Variants in AIFM2 observed in about 807,000 individuals in gnomAD.
AIFM2 encodes the protein AIF family member 2, ferroptosis suppressor.
AIFM2 carries 38 observed loss-of-function variants against 35.7 expected under a neutral mutation model. The observed-to-expected ratio is 1.06, with a 90% CI of 0.82 to 1.39. The LOEUF is 1.39. Ranked by LOEUF, AIFM2 falls within the 40% of genes most tolerant of loss-of-function variation. The pLI is 0.00. For synonymous variants in AIFM2, 185 were observed against 203.5 expected (o/e 0.91, Z 0.77); for missense variants, 476 against 491.2 (o/e 0.97, Z 0.29).
chr10:70,124,125 CAGAGTCAGGGAGGCTGGGAG>C lies in AIFM2; in HGVS notation c.-13-48_-13-29del, dbSNP rs1564553909. ...GCTGGGAAGAAAGAGGAGAGCATAT[CAGAGTCAGGGAGGCTGGGAG>C]GGCTGGGAGGACCCACAGTGAGAGA... On this transcript the variant is annotated intron_variant, in intron 1 of 8. Coordinates refer to ENST00000307864, the MANE Select transcript of AIFM2 (RefSeq NM_032797.6). 7 of 1,409,772 alleles carry C rather than the reference CAGAGTCAGGGAGGCTGGGAG, an allele frequency of 5.0e-6. No homozygotes were observed. The South Asian group carries it at 1.1e-4, about 23-fold the overall frequency. 87.3% of individuals were successfully genotyped at this position (1,409,772 alleles called of 1,614,324 possible). A position where few individuals can be genotyped will look rare whatever the true frequency, so the allele number is the denominator to read the frequency against.
At position 70,116,613 on chromosome 10, in the gene AIFM2, C is replaced by A. The variant is rs754363914; in HGVS notation, c.769+9G>T. 2.5e-6 allele frequency: 4 copies of A among 1,613,014 alleles called. No individual in the cohort carries two copies. Among genetic ancestry groups the A allele is most frequent in the Non-Finnish European group, 2.5e-6 (3 of 1,179,806 alleles). On this transcript the variant is annotated intron_variant, in intron 7 of 8. Coordinates refer to ENST00000307864, the MANE Select transcript of AIFM2 (RefSeq NM_032797.6). ...GGCACAGGGGAAGCCCGGCTGGGCA[C>A]CTGCTCACCAAACGCTTTGCGGTAG...
At chr10:70,129,495 A>G (rs761484398) in intron 1 of AIFM2, among the ~76,000 whole-genome samples, 12 of 152,162 alleles carry the variant, frequency 7.9e-5, no homozygotes, top group Non-Finnish European at 1.6e-4. Context: ...ACACATATAC[A>G]GGTAATGATT....
Position 70,117,835 on chromosome 10 carries a change from C to A in AIFM2, c.593G>T (p.Arg198Leu). 2 of 1,604,998 alleles carry A rather than the reference C, an allele frequency of 1.2e-6. No individual in the cohort carries two copies. Among genetic ancestry groups the A allele is most frequent in the Non-Finnish European group, 1.7e-6 (2 of 1,176,472 alleles). The change falls in exon 6 of 9, where the codon CGG becomes CTG. Residue 198 changes from arginine (R) to leucine (L), a missense_variant. By Grantham distance (102) the Arg-to-Leu change is moderately radical. Transcript: ENST00000307864. This position sits in a 1 kb window ranked among gnomAD's most constrained non-coding sequence, Gnocchi z 4.7. ...VRQEVKEILL[R>L]KGVQLLLSER... ...ACTCAGCAGCAGCTGCACGCCCTTCCGGAGGAGGATCTCCTTCACTTCCTG... is the reference window on the plus strand; with the variant it reads ...ACTCAGCAGCAGCTGCACGCCCTTCAGGAGGAGGATCTCCTTCACTTCCTG...
At chr10:70,127,664 G>A (rs2072583605) in intron 1 of AIFM2, among the ~76,000 whole-genome samples, 1 of 152,188 alleles carries the variant, frequency 6.6e-6, no homozygotes, top group African/African-American at 2.4e-5. Flanking sequence ...GGGGCAATGA[G>A]TTGACCAAAG....
intron 5 of AIFM2, among the ~76,000 whole-genome samples, chr10:70,119,380 C>G (rs2072472886): frequency 6.6e-6 from 1 of 152,140 alleles, no homozygotes; most frequent in Non-Finnish European, 1.5e-5. Flanking sequence ...GGACTTGCAA[C>G]TGGTGTTTGA....
Position 70,116,518 on chromosome 10 carries a change from G to A in AIFM2, c.769+104C>T, listed in dbSNP as rs370068182. ...GTCTGAGCTGTTGGGAAGAAAGGGG[G>A]AAGGCAGCAAGGTGTGGACTCCTGG... On this transcript the variant is annotated intron_variant, in intron 7 of 8. Transcript: ENST00000307864. 5.0e-6 allele frequency: 7 copies of A among 1,410,558 alleles called. No individual in the cohort carries two copies. The East Asian group carries it at 1.6e-4, about 32-fold the overall frequency. 87.4% of individuals were successfully genotyped at this position (1,410,558 alleles called of 1,614,324 possible).
intron 3 of AIFM2, among the ~76,000 whole-genome samples, chr10:70,122,610 G>A (rs747653046): frequency 3.3e-5 from 5 of 152,196 alleles, no homozygotes; most frequent in African/African-American, 4.8e-5. Flanking sequence ...CCCCAGTGAC[G>A]TCCCGATCCG....
At chr10:70,121,044 G>T (rs752058114) in intron 4 of AIFM2, 48 bp downstream of exon 4, 3 of 1,589,726 alleles carry the variant, frequency 1.9e-6, no homozygotes, top group Non-Finnish European at 1.7e-6. Context: ...CCCCAAGGCT[G>T]TCCTTCCATC....
At chr10:70,122,499 G>A (rs1405014563) in intron 3 of AIFM2, among the ~76,000 whole-genome samples, 1 of 152,226 alleles carries the variant, frequency 6.6e-6, no homozygotes, top group Non-Finnish European at 1.5e-5. Context: ...AGAGCTGGTG[G>A]CAGCTTATCG....
In AIFM2 at chr10:70,114,975, G is replaced by A. The variant is rs12255986; in HGVS notation, c.915C>T (p.Ala305=). 202 of 1,614,198 alleles carry A rather than the reference G, an allele frequency of 1.3e-4. 2 individuals are homozygous for A. The African/African-American group carries it at 1.9e-3, about 16-fold the overall frequency. ...TCACAGAGTTGACGATGTTGGCCAC[G>A]GCGATGTTGGCGTGGAGGCCGGCAA... The part of the protein sequence containing the change: ...AYLAGLHANI[A]VANIVNSVKQ... Residue 305 remains alanine (A), a synonymous_variant, in exon 8 of 9, where the codon GCC becomes GCT. Coordinates refer to ENST00000307864, the MANE Select transcript of AIFM2 (RefSeq NM_032797.6).
At chr10:70,125,142 G>T (rs1180840767) in intron 1 of AIFM2, among the ~76,000 whole-genome samples, 1 of 152,130 alleles carries the variant, frequency 6.6e-6, no homozygotes, top group East Asian at 1.9e-4. Flanking sequence ...CCAGAACCAT[G>T]AGCCAATACA....
chr10:70,117,978 C>T lies in AIFM2; in HGVS notation c.508-58G>A, dbSNP rs1220135313. 7.8e-7 allele frequency: 1 copy of T among 1,281,774 alleles called. No homozygotes were observed. Among genetic ancestry groups the T allele is most frequent in the Admixed American group, 1.9e-5 (1 of 53,746 alleles). 79.4% of individuals were successfully genotyped at this position (1,281,774 alleles called of 1,614,324 possible). A position where few individuals can be genotyped will look rare whatever the true frequency, so the allele number is the denominator to read the frequency against. The stretch of plus-strand genomic sequence containing the variant: ...GAGCCCCCAAGTCTTCAAACACAAT[C>T]ATTGCACGAACGTCCACCTCCACTC... On this transcript the variant is annotated intron_variant, in intron 5 of 8. Coordinates refer to ENST00000307864, the MANE Select transcript of AIFM2 (RefSeq NM_032797.6). The surrounding 1 kb of genome is among the most constrained non-coding windows in gnomAD (Gnocchi z 4.7).
intron 1 of AIFM2, among the ~76,000 whole-genome samples, chr10:70,130,808 T>C (rs2072619215): frequency 6.6e-6 from 1 of 152,224 alleles, no homozygotes. Context: ...ATCTTAACTA[T>C]GTCTGTCTAG....
At chr10:70,129,475 C>T (rs951832865) in intron 1 of AIFM2, among the ~76,000 whole-genome samples, 2 of 152,026 alleles carry the variant, frequency 1.3e-5, no homozygotes, top group African/African-American at 4.8e-5. Context: ...ACATCCACCT[C>T]GGTATGTATA....
Position 70,120,578 on chromosome 10 carries a change from C to G in AIFM2, c.436G>C (p.Val146Leu). 1 of 1,614,140 alleles carries G rather than the reference C, an allele frequency of 6.2e-7. No homozygotes were observed. Reference protein sequence around the residue: ...VRQVQRSRFIVVVGGGSAGVE... With the variant: ...VRQVQRSRFILVVGGGSAGVE... ...CCAGCCGAGCCTCCTCCCACCACCACGATGAACCGTGAGCGCTGGACCTGG... is the reference window on the plus strand; with the variant it reads ...CCAGCCGAGCCTCCTCCCACCACCAGGATGAACCGTGAGCGCTGGACCTGG... The change falls in exon 5 of 9, where the codon GTG (valine) becomes CTG (leucine). Residue 146 changes from valine to leucine, a missense_variant. Val to Leu is a conservative substitution (Grantham distance 32). Transcript: ENST00000307864.
intron 1 of AIFM2, among the ~76,000 whole-genome samples, chr10:70,132,388 G>A (rs1383963769): frequency 1.3e-5 from 2 of 152,210 alleles, no homozygotes; most frequent in Non-Finnish European, 2.9e-5. Context: ...CGCAAGATCC[G>A]GGTTACACCC....
chr10:70,120,609 A>G lies in AIFM2; in HGVS notation c.415-10T>C. 3 of 1,614,028 alleles carry G rather than the reference A, an allele frequency of 1.9e-6. No individual in the cohort carries two copies. The highest frequency in any genetic ancestry group is 2.5e-6 in the Non-Finnish European group (3 of 1,179,992). On this transcript the variant is annotated splice_polypyrimidine_tract_variant and intron_variant, in intron 4 of 8. Coordinates refer to ENST00000307864, the MANE Select transcript of AIFM2 (RefSeq NM_032797.6). ...ACCGTGAGCGCTGGACCTGGAGAAG[A>G]GGACATGTGAAACAGGGACATATGA...
chr10:70,113,986 TA>T lies in AIFM2; in HGVS notation c.*191del, dbSNP rs1207526430. On this transcript the variant is annotated 3_prime_UTR_variant, in exon 9 of 9. Transcript: ENST00000307864. ...CCTTCCAAACCCAGAAAGTATCCTCTAAGGGGGGTATTTGTTTAATACCTCT... is the reference window on the plus strand; with the variant it reads ...CCTTCCAAACCCAGAAAGTATCCTCTAGGGGGGTATTTGTTTAATACCTCT... 3 of 698,646 alleles carry T rather than the reference TA, an allele frequency of 4.3e-6. No homozygotes were observed. Among genetic ancestry groups the T allele is most frequent in the Non-Finnish European group, 4.5e-6 (2 of 441,458 alleles). 43.3% of individuals were successfully genotyped at this position (698,646 alleles called of 1,614,324 possible). A position where few individuals can be genotyped will look rare whatever the true frequency, so the allele number is the denominator to read the frequency against.
At chr10:70,130,157 T>C (rs1028660134) in intron 1 of AIFM2, among the ~76,000 whole-genome samples, 1 of 152,176 alleles carries the variant, frequency 6.6e-6, no homozygotes, top group Middle Eastern at 3.2e-3. Context: ...CACTCTAGCC[T>C]GGGCGCCAGA....
Sources: allele counts gnomAD v4.1 joint callset (sites outside exome capture counted in the v4.1 genomes callset), GRCh38; gene constraint gnomAD v4.1.1; non-coding constraint Gnocchi (gnomAD v3.1); transcripts MANE v1.5; gene names NCBI Gene and HGNC (gene_info 2026-07-23, HGNC 2026-07-21).